NCOR2: variants seen among roughly 807,000 people sequenced by gnomAD.
NCOR2 encodes nuclear receptor corepressor 2.
NCOR2 carries 81 observed loss-of-function variants against 262.9 expected under a neutral mutation model. That is an observed-to-expected ratio of 0.31 (90% CI 0.26 to 0.37). The LOEUF (loss-of-function observed/expected upper bound fraction) is 0.37, where lower values mean the gene tolerates loss of function less well. Ranked by LOEUF, NCOR2 falls within the 10% of genes least tolerant of loss-of-function variation. The probability of loss-of-function intolerance (pLI) is 1.00; values close to 1 mark genes in which losing one functional copy is unlikely to be tolerated. For synonymous variants in NCOR2, 1,659 were observed against 1,559.3 expected, an observed-to-expected ratio of 1.06 and a Z score of -1.51; for missense variants, 3,385 against 3,621.4, an observed-to-expected ratio of 0.93 and a Z score of 1.68.
At chr12:124,333,665 C>CCG (rs1555299119) in intron 41 of NCOR2, among the ~76,000 whole-genome samples, 1 of 151,580 alleles carries the variant, frequency 6.6e-6, no homozygotes, top group East Asian at 2.0e-4. Context: ...CATTACCCCC[C>CCG]CCGCCCCCAC....
intron 1 of NCOR2, among the ~76,000 whole-genome samples, chr12:124,546,649 G>A (rs748061629): frequency 6.6e-6 from 1 of 151,954 alleles, no homozygotes; most frequent in East Asian, 1.9e-4. Context: ...TCCTGGCCTC[G>A]AGATCCACCC....
chr12:124,516,356 G>T (rs2049780197), intron 1 of NCOR2, among the ~76,000 whole-genome samples: 2 of 152,182 alleles, frequency 1.3e-5, no homozygotes, highest in South Asian at 2.1e-4. Context: ...CAGGCTGAGT[G>T]GGAGACGGGG....
chr12:124,422,374 GGC>G (rs758086640), intron 12 of NCOR2, 125 bp downstream of exon 14: 10 of 1,074,958 alleles, frequency 9.3e-6, no homozygotes, highest in Non-Finnish European at 1.4e-5. Context: ...AGGGGAGCAT[GGC>G]AGCTGGAGCA....
At chr12:124,529,473 C>CA (rs1163819496) in intron 1 of NCOR2, among the ~76,000 whole-genome samples, 3 of 151,342 alleles carry the variant, frequency 2.0e-5, no homozygotes, top group East Asian at 1.9e-4. Context: ...GACTCTGTCT[C>CA]AAAAAAAATA....
chr12:124,343,802 AT>A (rs1373450505), intron 32 of NCOR2, among the ~76,000 whole-genome samples: 3 of 151,822 alleles, frequency 2.0e-5, no homozygotes, highest in Non-Finnish European at 4.4e-5. Flanking sequence ...ATTTTTTTGT[AT>A]TTTTAGTAGA....
chr12:124,385,599 G>T, intron 17 of NCOR2, 146 bp downstream of exon 19: 3 of 1,255,520 alleles, frequency 2.4e-6, no homozygotes, highest in South Asian at 3.0e-5. Flanking sequence ...TCCCGGGCTT[G>T]AACCCCCAGA....
chr12:124,330,932 A>C (rs1593074871), intron 43 of NCOR2, 34 bp from the exon 46 acceptor site: 1 of 1,563,704 alleles, frequency 6.4e-7, no homozygotes, highest in Non-Finnish European at 8.7e-7. Context: ...TGAGGCCCCC[A>C]GGTCTCTGGG....
intron 1 of NCOR2, chr12:124,530,129 G>GAAAGAATGAA (rs2050703626): frequency 6.6e-6 from 1 of 152,162 alleles, no homozygotes; most frequent in Non-Finnish European, 1.5e-5. Flanking sequence ...TTAGCCATGA[G>GAAAGAATGAA]AAAGAATGAA....
intron 16 of NCOR2, chr12:124,388,924 AGGCTGGCTCGAGAGG>A: frequency 3.3e-6 from 1 of 301,100 alleles, no homozygotes; most frequent in South Asian, 4.1e-5. Flanking sequence ...CGGCGGGCGG[AGGCTGGCTCGAGAGG>A]GGCGGGCGGG....
intron 1 of NCOR2, among the ~76,000 whole-genome samples, chr12:124,526,616 G>A (rs57640614): frequency 6.6e-6 from 1 of 152,278 alleles, no homozygotes; most frequent in East Asian, 1.9e-4. Context: ...AGGTCCTGAG[G>A]AGAAACCACG....
At chr12:124,459,888 C>T (rs2342923) in intron 5 of NCOR2, among the ~76,000 whole-genome samples, 17,502 of 152,202 alleles carry the variant, frequency 0.11, 1,346 homozygotes, top group Middle Eastern at 0.2. Context: ...TGGCCCCTCA[C>T]TGTCCCCTGC....
intron 20 of NCOR2, among the ~76,000 whole-genome samples, chr12:124,364,306 G>T (rs73223589): frequency 0.13 from 20,020 of 152,270 alleles, 1,506 homozygotes; most frequent in African/African-American, 0.17. Context: ...ACTCGAATCT[G>T]AGAGGCTCGG....
chr12:124,396,813 C>T (rs536818567), intron 16 of NCOR2, among the ~76,000 whole-genome samples: 7 of 152,276 alleles, frequency 4.6e-5, no homozygotes, highest in Non-Finnish European at 7.4e-5. Context: ...AGGACGGGGC[C>T]GGGCCCAGGA....
At chr12:124,363,598 G>A (rs1159455346) in intron 21 of NCOR2, 81 bp downstream of exon 23, 28 of 1,237,646 alleles carry the variant, frequency 2.3e-5, no homozygotes, top group African/African-American at 7.7e-5. Context: ...GCATGCTCCC[G>A]CCCGTGGGAT....
Position 124,430,805 on chromosome 12 carries a change from G to A in NCOR2, c.883-18C>T, listed in dbSNP as rs768487459. ...TTCTGCTCCTGGGAGAGCGCAGGGGGCACTGCGGAAGATGCTCCTGCACCT... is the reference window on the plus strand; with the variant it reads ...TTCTGCTCCTGGGAGAGCGCAGGGGACACTGCGGAAGATGCTCCTGCACCT... On this transcript the variant is annotated intron_variant, in intron 8 of 46. Coordinates refer to ENST00000405201, the Ensembl canonical transcript of NCOR2. 7 of 1,589,022 alleles carry A rather than the reference G, an allele frequency of 4.4e-6. No individual in the cohort carries two copies. In the African/African-American group the frequency reaches 6.7e-5, roughly 15 times the overall value.
intron 15 of NCOR2, among the ~76,000 whole-genome samples, chr12:124,399,030 C>A (rs905056428): frequency 6.6e-6 from 1 of 152,122 alleles, no homozygotes; most frequent in Non-Finnish European, 1.5e-5. Context: ...GTGCGAGGGA[C>A]GTCAGCTCCA....
At chr12:124,376,881 C>T (rs915681404) in intron 18 of NCOR2, among the ~76,000 whole-genome samples, 2 of 152,174 alleles carry the variant, frequency 1.3e-5, no homozygotes, top group African/African-American at 4.8e-5. Flanking sequence ...ACTTGGGCTC[C>T]GCCGGGCTGC....
At chr12:124,509,238 G>GGGGA in intron 1 of NCOR2, among the ~76,000 whole-genome samples, 1 of 116,530 alleles carries the variant, frequency 8.6e-6, no homozygotes, top group African/African-American at 2.6e-5. Flanking sequence ...GCTTTGGTGG[G>GGGGA]GGGGGGGGGG....
intron 13 of NCOR2, among the ~76,000 whole-genome samples, chr12:124,418,492 G>A (rs1161080875): frequency 6.6e-6 from 1 of 152,220 alleles, no homozygotes; most frequent in African/African-American, 2.4e-5. Context: ...GCAGCTCTGG[G>A]GAGGGGCTAG....
Sources: gnomAD v4.1 joint callset for allele counts (sites outside exome capture counted in the v4.1 genomes callset) on GRCh38, gnomAD v4.1.1 for gene constraint, MANE v1.5 for transcripts, NCBI Gene and HGNC (gene_info 2026-07-23, HGNC 2026-07-21) for gene names.